Variants in HDAC9 observed in about 807,000 individuals in gnomAD.
HDAC9 encodes MEF-2 interacting transcription repressor (MITR) protein.
HDAC9 carries 41 observed loss-of-function variants against 139.4 expected under a neutral mutation model. The ratio of observed to expected loss-of-function variants is 0.29; its 90% CI spans 0.23 to 0.38. HDAC9 has a LOEUF of 0.38. Ranked by LOEUF, HDAC9 falls within the 10% of genes least tolerant of loss-of-function variation. The probability of loss-of-function intolerance (pLI) is 1.00; values close to 1 mark genes in which losing one functional copy is unlikely to be tolerated. For synonymous variants in HDAC9, 517 were observed against 476.2 expected (o/e 1.09, Z -1.12); for missense variants, 1,147 against 1,297.0 (o/e 0.88, Z 1.78).
At chr7:18,667,649 T>C (rs1300316626) in intron 12 of HDAC9, 1 of 985,118 alleles carries the variant, frequency 1.0e-6, no homozygotes, top group Non-Finnish European at 1.2e-6. Flanking sequence ...GAACAGGAAA[T>C]GCCTTGTGGA....
upstream of HDAC9, among the ~76,000 whole-genome samples, chr7:18,492,888 G>GT (rs1258599217): frequency 6.6e-6 from 1 of 151,866 alleles, no homozygotes; most frequent in East Asian, 1.9e-4. Context: ...AACAAGTGGG[G>GT]TTTTTTGTAA....
intron 2 of HDAC9, among the ~76,000 whole-genome samples, chr7:18,510,746 A>C (rs1419504649): frequency 6.6e-6 from 1 of 152,206 alleles, no homozygotes; most frequent in Non-Finnish European, 1.5e-5. Flanking sequence ...TAAGGAGTTA[A>C]CATAGTGAGA....
intron 11 of HDAC9, among the ~76,000 whole-genome samples, chr7:18,654,991 C>T (rs1268112233): frequency 1.3e-5 from 2 of 152,138 alleles, no homozygotes; most frequent in East Asian, 1.9e-4. Context: ...GTCACATTGC[C>T]GTTGTTTTAG....
chr7:18,407,447 GT>G (rs1788118372), intron 1 of HDAC9, among the ~76,000 whole-genome samples: 1 of 152,070 alleles, frequency 6.6e-6, no homozygotes, highest in South Asian at 2.1e-4. Context: ...GGGGTGACAC[GT>G]TTAGGCAAAC....
At chr7:18,212,512 C>T (rs1792016027) in intron 2 of HDAC9, among the ~76,000 whole-genome samples, 1 of 152,194 alleles carries the variant, frequency 6.6e-6, no homozygotes, top group Admixed American at 6.5e-5. Flanking sequence ...GTATCATTCA[C>T]TGACTGTTTA....
intron 25 of HDAC9, among the ~76,000 whole-genome samples, chr7:18,993,027 T>C (rs959097221): frequency 6.6e-6 from 1 of 151,142 alleles, no homozygotes; most frequent in Non-Finnish European, 1.5e-5. Flanking sequence ...CCCCCAGATT[T>C]TCAGAGCACT....
At chr7:18,211,745 G>A (rs1397413530) in intron 2 of HDAC9, among the ~76,000 whole-genome samples, 5 of 152,166 alleles carry the variant, frequency 3.3e-5, no homozygotes, top group African/African-American at 9.7e-5. Flanking sequence ...AAAGTGTGCC[G>A]TGTCCATTGT....
chr7:18,900,925 A>T (rs922713602), intron 22 of HDAC9, among the ~76,000 whole-genome samples: 1 of 152,050 alleles, frequency 6.6e-6, no homozygotes, highest in African/African-American at 2.4e-5. Context: ...GATTAAATAT[A>T]CTTGGGAAGA....
intron 1 of HDAC9, among the ~76,000 whole-genome samples, chr7:18,485,311 C>G (rs1292028901): frequency 1.3e-5 from 2 of 152,044 alleles, no homozygotes; most frequent in African/African-American, 4.8e-5. Context: ...CCACCACCTT[C>G]TTGTTCATTA....
chr7:18,936,774 T>C (rs1276160175), intron 23 of HDAC9, among the ~76,000 whole-genome samples: 1 of 152,218 alleles, frequency 6.6e-6, no homozygotes, highest in East Asian at 1.9e-4. Context: ...TACAAAATCT[T>C]TTTAAAAATC....
At chr7:18,850,188 T>A (rs926546422) in intron 21 of HDAC9, among the ~76,000 whole-genome samples, 1 of 151,896 alleles carries the variant, frequency 6.6e-6, no homozygotes, top group African/African-American at 2.4e-5. Context: ...AGTTATGACA[T>A]TTTATAGGTT....
chr7:18,242,496 A>G (rs1171267552), intron 2 of HDAC9, among the ~76,000 whole-genome samples: 1 of 151,992 alleles, frequency 6.6e-6, no homozygotes, highest in Admixed American at 6.6e-5. Flanking sequence ...CATCTGTAAT[A>G]TTTTCTCAGT....
At position 18,997,241 on chromosome 7, in the gene HDAC9, G is replaced by C. The variant is rs1786518147; in HGVS notation, c.*1179G>C. 6.6e-6 allele frequency: 1 copy of C among 150,584 alleles called. No homozygotes were observed. The highest frequency in any genetic ancestry group is 2.1e-4 in the South Asian group (1 of 4,764). The allele number at this position is 150,584 out of a possible 1,614,324, so 9.3% of individuals were successfully genotyped here. On this transcript the variant is annotated 3_prime_UTR_variant, in exon 26 of 26. Transcript: ENST00000686413. ...ATGTGTTTGAAATGTGTTAATGAAG[G>C]CACTGCTTATTTGTAGTCACCTTGA... is the stretch of plus-strand genomic sequence containing the variant.
chr7:18,090,092 G>A (rs1389618322), intron 1 of HDAC9, among the ~76,000 whole-genome samples: 2 of 152,058 alleles, frequency 1.3e-5, no homozygotes, highest in African/African-American at 4.8e-5. Flanking sequence ...ACTTTTTGGT[G>A]ATTCCTCAAA....
At chr7:18,982,875 C>T (rs868198145) in intron 25 of HDAC9, among the ~76,000 whole-genome samples, 6 of 152,050 alleles carry the variant, frequency 3.9e-5, no homozygotes, top group African/African-American at 1.2e-4. Flanking sequence ...TTTGTTTATC[C>T]GTATACCTAC....
chr7:18,217,309 T>G (rs1375075416), intron 2 of HDAC9, among the ~76,000 whole-genome samples: 1 of 152,132 alleles, frequency 6.6e-6, no homozygotes, highest in East Asian at 1.9e-4. Context: ...TATTAAGATT[T>G]GCCTTTTGTT....
At chr7:18,352,129 T>G (rs1047029173) in intron 1 of HDAC9, among the ~76,000 whole-genome samples, 14 of 152,242 alleles carry the variant, frequency 9.2e-5, no homozygotes, top group African/African-American at 3.4e-4. Context: ...GTTTCTGAAC[T>G]GTTCTTTGTG....
intron 1 of HDAC9, among the ~76,000 whole-genome samples, chr7:18,367,791 T>G (rs1396330423): frequency 6.6e-6 from 1 of 152,098 alleles, no homozygotes; most frequent in African/African-American, 2.4e-5. Context: ...CCAATGTATA[T>G]GCCCATCAGC....
At chr7:18,156,241 G>A (rs989544690) in intron 1 of HDAC9, among the ~76,000 whole-genome samples, 28 of 152,224 alleles carry the variant, frequency 1.8e-4, no homozygotes, top group Admixed American at 1.6e-3. Flanking sequence ...AGAGAGAAAC[G>A]GAATCCTTTC....
Sources: allele counts gnomAD v4.1 joint callset (sites outside exome capture counted in the v4.1 genomes callset), GRCh38; gene constraint gnomAD v4.1.1; transcripts MANE v1.5; gene names NCBI Gene and HGNC (gene_info 2026-07-23, HGNC 2026-07-21).